The following LHFPL6 variants were observed in gnomAD, a reference collection of about 807,000 sequenced individuals.
The protein encoded by LHFPL6 is LHFPL tetraspan subfamily member 6 protein.
In LHFPL6, 9 loss-of-function variants were observed where a neutral mutation model predicts 20.6. The observed-to-expected ratio is 0.44, with a 90% CI of 0.26 to 0.76. The LOEUF (loss-of-function observed/expected upper bound fraction) is 0.76. Among genes scored for constraint, LHFPL6 ranks in the 30% least tolerant of loss-of-function variants. The probability of loss-of-function intolerance (pLI) is 0.20; values close to 1 mark genes in which losing one functional copy is unlikely to be tolerated. For missense variants in LHFPL6, 218 were observed against 253.5 expected (o/e 0.86, Z 0.95); for synonymous variants, 105 against 98.7 (o/e 1.06, Z -0.38).
intron 2 of LHFPL6, among the ~76,000 whole-genome samples, chr13:39,513,446 A>AT (rs541068175): frequency 7.2e-5 from 11 of 152,136 alleles, no homozygotes; most frequent in Admixed American, 3.9e-4. Context: ...CTTTATTTGA[A>AT]TTTTTTTCCC....
chr13:39,486,014 A>G (rs1235266342), intron 2 of LHFPL6, among the ~76,000 whole-genome samples: 1 of 152,182 alleles, frequency 6.6e-6, no homozygotes, highest in African/African-American at 2.4e-5. Flanking sequence ...TCCAAGGCTC[A>G]AGGGTAAATA....
chr13:39,410,629 A>T (rs530206196), intron 2 of LHFPL6, among the ~76,000 whole-genome samples: 1 of 152,328 alleles, frequency 6.6e-6, no homozygotes, highest in Admixed American at 6.5e-5. Flanking sequence ...AAAATGTATG[A>T]ATAACATTCA....
At chr13:39,416,206 T>C (rs1397142828) in intron 2 of LHFPL6, among the ~76,000 whole-genome samples, 1 of 152,122 alleles carries the variant, frequency 6.6e-6, no homozygotes, top group Admixed American at 6.5e-5. Context: ...TTGAATCAGG[T>C]TCTATTGACT....
chr13:39,436,164 T>G (rs1477034732), intron 2 of LHFPL6, among the ~76,000 whole-genome samples: 1 of 152,040 alleles, frequency 6.6e-6, no homozygotes, highest in Non-Finnish European at 1.5e-5. Context: ...GGCCAAATCA[T>G]TTGAAAACCA....
chr13:39,485,091 C>G (rs1441425149), intron 2 of LHFPL6, among the ~76,000 whole-genome samples: 2 of 152,144 alleles, frequency 1.3e-5, no homozygotes, highest in Non-Finnish European at 2.9e-5. Context: ...AAATTTCAGG[C>G]TCACTTTGCC....
At chr13:39,513,376 T>G (rs914904329) in intron 2 of LHFPL6, among the ~76,000 whole-genome samples, 8 of 152,240 alleles carry the variant, frequency 5.3e-5, no homozygotes, top group Admixed American at 4.6e-4. Context: ...CAAGTTTGTA[T>G]TATCTTCTAC....
intron 2 of LHFPL6, among the ~76,000 whole-genome samples, chr13:39,487,465 T>A (rs186019188): frequency 6.6e-6 from 1 of 152,300 alleles, no homozygotes; most frequent in East Asian, 1.9e-4. Flanking sequence ...TGTGGCCAAC[T>A]GTGAAATAAG....
At chr13:39,368,080 C>A (rs1870056974) in intron 3 of LHFPL6, among the ~76,000 whole-genome samples, 1 of 152,334 alleles carries the variant, frequency 6.6e-6, no homozygotes, top group African/African-American at 2.4e-5. Context: ...AACCCCAGCA[C>A]TTTGGGAGGC....
At chr13:39,445,598 T>C (rs1320010980) in intron 2 of LHFPL6, among the ~76,000 whole-genome samples, 1 of 152,234 alleles carries the variant, frequency 6.6e-6, no homozygotes, top group Non-Finnish European at 1.5e-5. Flanking sequence ...GCTGAGTAAG[T>C]ACTCAGGTTG....
intron 2 of LHFPL6, among the ~76,000 whole-genome samples, chr13:39,414,833 A>C (rs1180296634): frequency 2.6e-5 from 4 of 152,224 alleles, no homozygotes; most frequent in Non-Finnish European, 4.4e-5. Context: ...TAAGAGTATT[A>C]TACAGGCTAG....
chr13:39,580,665 T>G (rs1375552806), intron 2 of LHFPL6, among the ~76,000 whole-genome samples: 3 of 152,244 alleles, frequency 2.0e-5, no homozygotes, highest in Admixed American at 2.0e-4. Context: ...CTGTTGGTAA[T>G]AGCGACCATT....
chr13:39,439,509 T>C (rs951414953), intron 2 of LHFPL6, among the ~76,000 whole-genome samples: 5 of 152,088 alleles, frequency 3.3e-5, no homozygotes, highest in African/African-American at 1.2e-4. Flanking sequence ...TATTTTGCAA[T>C]GTGAGGGGGA....
rs114534696 is a variant in LHFPL6 at position 39,345,081 on chromosome 13, G to A, written c.485-1027C>T. On this transcript the variant is annotated intron_variant, in intron 3 of 3. Coordinates refer to ENST00000379589, the MANE Select transcript of LHFPL6 (RefSeq NM_005780.3). The stretch of plus-strand genomic sequence containing the variant: ...TTCAATTCTAATTCATTTTTCAGCC[G>A]GTCTTACCATCTTATCAGATGATGC... Among the ~76,000 whole-genome samples, 1,148 of 152,198 alleles carry A rather than the reference G, an allele frequency of 7.5e-3. 20 individuals are homozygous for A. The highest frequency in any genetic ancestry group is 0.026 in the African/African-American group (1,092 of 41,548).
intron 2 of LHFPL6, among the ~76,000 whole-genome samples, chr13:39,554,489 G>A (rs577708206): frequency 3.9e-5 from 6 of 152,190 alleles, no homozygotes; most frequent in African/African-American, 1.2e-4. Flanking sequence ...GAACAGTTGA[G>A]CATGGAATTC....
intron 2 of LHFPL6, among the ~76,000 whole-genome samples, chr13:39,479,291 A>C (rs987846876): frequency 1.3e-5 from 2 of 152,170 alleles, no homozygotes; most frequent in African/African-American, 4.8e-5. Flanking sequence ...AGTGACAGGA[A>C]ATAACAATTC....
At chr13:39,527,910 T>G (rs1490632261) in intron 2 of LHFPL6, among the ~76,000 whole-genome samples, 1 of 152,220 alleles carries the variant, frequency 6.6e-6, no homozygotes, top group African/African-American at 2.4e-5. Context: ...TCTTAAATCT[T>G]TAATTTCTAA....
intron 2 of LHFPL6, among the ~76,000 whole-genome samples, chr13:39,501,253 G>A (rs764450801): frequency 2.0e-5 from 3 of 152,140 alleles, no homozygotes; most frequent in Non-Finnish European, 2.9e-5. Context: ...AGGGTTCTTT[G>A]AACTCTGCCA....
intron 2 of LHFPL6, among the ~76,000 whole-genome samples, 200 bp from the exon 3 acceptor site, chr13:39,378,726 G>A (rs1025085318): frequency 6.6e-6 from 1 of 152,108 alleles, no homozygotes; most frequent in Non-Finnish European, 1.5e-5. Context: ...AAAAAAACTT[G>A]ACAGCTCAGT....
chr13:39,562,515 T>C (rs57486240), intron 2 of LHFPL6, among the ~76,000 whole-genome samples: 56,519 of 114,204 alleles, frequency 0.49, 13,162 homozygotes, highest in African/African-American at 0.64. Context: ...CATATATACA[T>C]ATATACACAT....
Sources: allele counts gnomAD v4.1 joint callset (sites outside exome capture counted in the v4.1 genomes callset), GRCh38; gene constraint gnomAD v4.1.1; transcripts MANE v1.5; gene names NCBI Gene and HGNC (gene_info 2026-07-23, HGNC 2026-07-21).